Variants in SPPL3 observed in about 807,000 individuals in gnomAD.
SPPL3 encodes the protein signal peptide peptidase like 3, also known as signal peptide peptidase-like 3.
Under a neutral mutation model 42.4 loss-of-function variants are expected in SPPL3, and 5 were observed. That is an observed-to-expected ratio of 0.12 (90% CI 0.06 to 0.25). SPPL3 has a LOEUF of 0.25. SPPL3 is among the 10% of genes least tolerant of loss of function. The probability of loss-of-function intolerance (pLI) is 1.00; values close to 1 mark genes in which losing one functional copy is unlikely to be tolerated. For synonymous variants in SPPL3, 195 were observed against 181.8 expected (o/e 1.07, Z -0.58); for missense variants, 235 against 489.0 (o/e 0.48, Z 4.90).
intron 1 of SPPL3, among the ~76,000 whole-genome samples, chr12:120,876,924 T>C (rs1043856943): frequency 5.4e-5 from 8 of 148,370 alleles, no homozygotes; most frequent in African/African-American, 1.7e-4. Context: ...GAAAAAGCAA[T>C]GAAACTAAAA....
intron 1 of SPPL3, chr12:120,835,386 T>TCC (rs1271392542): frequency 6.6e-6 from 1 of 152,252 alleles, no homozygotes; most frequent in Non-Finnish European, 1.5e-5. Context: ...TCGTTATCTC[T>TCC]CCTTCAAGAA....
intron 2 of SPPL3, among the ~76,000 whole-genome samples, chr12:120,805,642 A>C (rs533007093): frequency 6.6e-6 from 1 of 152,338 alleles, no homozygotes; most frequent in South Asian, 2.1e-4. Flanking sequence ...AACTACCAGC[A>C]CTAATAAATG....
chr12:120,774,815 C>T (rs1002247202), intron 6 of SPPL3, among the ~76,000 whole-genome samples: 8 of 152,114 alleles, frequency 5.3e-5, no homozygotes, highest in East Asian at 3.9e-4. Context: ...CTTTCCCTTG[C>T]GGCTTTAGAC....
At chr12:120,820,239 C>A (rs369195235) in intron 1 of SPPL3, among the ~76,000 whole-genome samples, 1 of 150,230 alleles carries the variant, frequency 6.7e-6, no homozygotes, top group Non-Finnish European at 1.5e-5. Flanking sequence ...TCCATGCTTA[C>A]AGAAATGTTC....
At position 120,797,296 on chromosome 12, in the gene SPPL3, CCTCTAGCCGT is replaced by C. The variant is rs145168659; in HGVS notation, c.102-5749_102-5740del. ...TACTCTGTTCTATTAACTCTAGCTG[CCTCTAGCCGT>C]CTCTTTGGACTCTCAGTTCCATCTC... On this transcript the variant is annotated intron_variant, in intron 2 of 10. Transcript: ENST00000353487. 3.4e-3 allele frequency among the ~76,000 whole-genome samples: 512 copies of C among 151,756 alleles called. 3 individuals carry two copies. The highest frequency in any genetic ancestry group is 0.012 in the African/African-American group (495 of 41,350).
intron 1 of SPPL3, among the ~76,000 whole-genome samples, chr12:120,878,894 A>G (rs2137055785): frequency 6.6e-6 from 1 of 152,052 alleles, no homozygotes; most frequent in African/African-American, 2.4e-5. Flanking sequence ...CGGGTGGATC[A>G]CCTGAGGTCG....
chr12:120,841,880 A>C (rs1871844467), intron 1 of SPPL3, among the ~76,000 whole-genome samples: 1 of 152,228 alleles, frequency 6.6e-6, no homozygotes, highest in Non-Finnish European at 1.5e-5. Context: ...AATATAACAT[A>C]GCTTTCTGCT....
chr12:120,781,659 C>T (rs375327045), intron 6 of SPPL3, among the ~76,000 whole-genome samples: 14 of 147,194 alleles, frequency 9.5e-5, no homozygotes, highest in East Asian at 6.3e-4. Context: ...CTGCAAGCTC[C>T]GCCTCCCGGG....
chr12:120,881,932 G>GTTTA (rs1247700629), intron 1 of SPPL3, among the ~76,000 whole-genome samples: 3 of 152,154 alleles, frequency 2.0e-5, no homozygotes, highest in Admixed American at 6.5e-5. Context: ...GGAGTTAAAA[G>GTTTA]TTTAATGGGT....
chr12:120,897,260 TG>T (rs1417395442), intron 1 of SPPL3, among the ~76,000 whole-genome samples: 1 of 152,192 alleles, frequency 6.6e-6, no homozygotes, highest in Non-Finnish European at 1.5e-5. Context: ...CAGGCTGATA[TG>T]GTACACTCTC....
intron 1 of SPPL3, among the ~76,000 whole-genome samples, chr12:120,875,345 T>C (rs1347261067): frequency 1.3e-5 from 2 of 152,174 alleles, no homozygotes; most frequent in Non-Finnish European, 2.9e-5. Context: ...TCAACATAGA[T>C]GGTGATGAAG....
intron 1 of SPPL3, among the ~76,000 whole-genome samples, chr12:120,843,579 TTCC>T (rs1871903903): frequency 6.6e-6 from 1 of 152,272 alleles, no homozygotes; most frequent in Middle Eastern, 3.4e-3. Context: ...TCTCCTAGAG[TTCC>T]CAGGGCACTA....
intron 2 of SPPL3, among the ~76,000 whole-genome samples, chr12:120,808,104 T>C (rs12821651): frequency 7.2e-6 from 1 of 138,876 alleles, no homozygotes; most frequent in African/African-American, 3.1e-5. Context: ...TTTTTTTTTG[T>C]TTTTTGTTTT....
intron 6 of SPPL3, among the ~76,000 whole-genome samples, chr12:120,777,312 T>C (rs1201433034): frequency 6.6e-6 from 1 of 152,220 alleles, no homozygotes; most frequent in Non-Finnish European, 1.5e-5. Context: ...TGGACTAAAA[T>C]TTATTCTCTG....
intron 6 of SPPL3, 25 bp downstream of exon 6, chr12:120,782,630 A>C (rs1869584190): frequency 6.6e-7 from 1 of 1,515,092 alleles, no homozygotes; most frequent in Non-Finnish European, 9.1e-7. Flanking sequence ...GTAAAATTAC[A>C]ATTTGTCACA....
Position 120,799,672 on chromosome 12 carries a change from G to A in SPPL3, c.102-8115C>T, listed in dbSNP as rs1047158210. Among the ~76,000 whole-genome samples the A allele has an allele frequency of 2.6e-5, 4 of 152,180 alleles. No individual in the cohort carries two copies. In the East Asian group the frequency reaches 5.8e-4, roughly 22 times the overall value. On this transcript the variant is annotated intron_variant, in intron 2 of 10. Transcript: ENST00000353487. ...CTTCTCACTGCCTCAAACAAGCTTAGCTAAAATCAAGCCTTGTTTGGTTGT... is the reference window on the plus strand; with the variant it reads ...CTTCTCACTGCCTCAAACAAGCTTAACTAAAATCAAGCCTTGTTTGGTTGT...
At chr12:120,851,000 T>C (rs893094979) in intron 1 of SPPL3, among the ~76,000 whole-genome samples, 1 of 151,950 alleles carries the variant, frequency 6.6e-6, no homozygotes, top group East Asian at 1.9e-4. Flanking sequence ...CAAAGTCTCC[T>C]TTCCTATATT....
chr12:120,792,282 G>A (rs1445413719), intron 2 of SPPL3, among the ~76,000 whole-genome samples: 2 of 152,170 alleles, frequency 1.3e-5, no homozygotes, highest in African/African-American at 4.8e-5. Context: ...AAAATGGCAC[G>A]TCACTTTGAT....
chr12:120,879,633 T>C (rs1317696892), intron 1 of SPPL3, among the ~76,000 whole-genome samples: 1 of 152,104 alleles, frequency 6.6e-6, no homozygotes. Flanking sequence ...TTTTTCAAGC[T>C]TACTTGATTA....
Sources: gnomAD v4.1 joint callset for allele counts (sites outside exome capture counted in the v4.1 genomes callset) on GRCh38, gnomAD v4.1.1 for gene constraint, MANE v1.5 for transcripts, NCBI Gene and HGNC (gene_info 2026-07-23, HGNC 2026-07-21) for gene names.